CADPS: variants seen among roughly 807,000 people sequenced by gnomAD.
The protein encoded by CADPS is calcium-dependent secretion activator 1.
CADPS carries 57 observed loss-of-function variants against 167.3 expected under a neutral mutation model. The observed-to-expected ratio is 0.34, with a 90% CI of 0.28 to 0.42. The LOEUF (loss-of-function observed/expected upper bound fraction) is 0.42. Among genes scored for constraint, CADPS ranks in the 20% least tolerant of loss-of-function variants. The pLI is 1.00. For missense variants in CADPS, 1,414 were observed against 1,738.1 expected (o/e 0.81, Z 3.32); for synonymous variants, 676 against 635.3 (o/e 1.06, Z -0.96).
chr3:62,750,421 ATCC>A (rs2082451133), intron 3 of CADPS, among the ~76,000 whole-genome samples: 2 of 151,828 alleles, frequency 1.3e-5, no homozygotes, highest in South Asian at 4.2e-4. Flanking sequence ...TTAAATAATC[ATCC>A]AGGTAGTACT....
chr3:62,527,998 C>T (rs908019879), intron 13 of CADPS, among the ~76,000 whole-genome samples: 6 of 152,172 alleles, frequency 3.9e-5, no homozygotes, highest in Admixed American at 2.0e-4. Flanking sequence ...AGACTCTCCC[C>T]TTAGGTGGTA....
chr3:62,653,986 C>T (rs1026018907), intron 4 of CADPS, among the ~76,000 whole-genome samples: 14 of 152,248 alleles, frequency 9.2e-5, no homozygotes, highest in African/African-American at 3.1e-4. Context: ...AATGAGATGA[C>T]AGGCTGATGA....
At chr3:62,791,301 A>G (rs1368793806) in intron 1 of CADPS, among the ~76,000 whole-genome samples, 1 of 152,218 alleles carries the variant, frequency 6.6e-6, no homozygotes, top group Non-Finnish European at 1.5e-5. Flanking sequence ...CAATATGACT[A>G]GTGTGAATGA....
intron 14 of CADPS, 42 bp downstream of exon 14, chr3:62,518,107 C>A: frequency 2.3e-6 from 3 of 1,295,954 alleles, no homozygotes; most frequent in Non-Finnish European, 3.3e-6. Context: ...TCCCTTCCCA[C>A]TCTCATCTCC....
At chr3:62,620,575 T>C (rs1578967917) in intron 6 of CADPS, among the ~76,000 whole-genome samples, 1 of 152,154 alleles carries the variant, frequency 6.6e-6, no homozygotes, top group East Asian at 1.9e-4. Context: ...TTCCATGCTT[T>C]AGAACAAGAC....
At chr3:62,637,557 G>C (rs2066546866) in intron 6 of CADPS, among the ~76,000 whole-genome samples, 1 of 152,190 alleles carries the variant, frequency 6.6e-6, no homozygotes, top group African/African-American at 2.4e-5. Context: ...GTGCTGGTGT[G>C]TGCGCCAGCA....
rs771885497 is a variant in CADPS at position 62,650,918 on chromosome 3, T to C, written c.1132A>G (p.Ile378Val). Residue 378 changes from isoleucine to valine, a missense_variant, in exon 5 of 30, where the codon ATC becomes GTC. By Grantham distance (29) the Ile-to-Val change is conservative (BLOSUM62 3). Coordinates refer to ENST00000383710, the MANE Select transcript of CADPS (RefSeq NM_003716.4). ...QKLKRSHNAS[I>V]IDMGEESENQ... ...TCACTCTCCTCGCCCATGTCGATGATGGAAGCATTGTGGCTGCGTTTGAGT... is the reference window on the plus strand; with the variant it reads ...TCACTCTCCTCGCCCATGTCGATGACGGAAGCATTGTGGCTGCGTTTGAGT... 4 of 1,614,022 alleles carry C rather than the reference T, an allele frequency of 2.5e-6. No individual in the cohort carries two copies. The highest frequency in any genetic ancestry group is 1.7e-5 in the Admixed American group (1 of 60,006).
At chr3:62,556,000 G>A (rs1394578812) in intron 10 of CADPS, among the ~76,000 whole-genome samples, 4 of 152,166 alleles carry the variant, frequency 2.6e-5, no homozygotes, top group East Asian at 1.9e-4. Context: ...CGATCCTCTC[G>A]CCTTGGGATT....
chr3:62,619,175 G>T (rs1012758710), intron 6 of CADPS, among the ~76,000 whole-genome samples: 1 of 152,058 alleles, frequency 6.6e-6, no homozygotes, highest in African/African-American at 2.4e-5. Context: ...TTGCTATTTT[G>T]CCCTTATAGA....
intron 1 of CADPS, among the ~76,000 whole-genome samples, chr3:62,799,975 G>A (rs910121670): frequency 6.6e-6 from 1 of 152,172 alleles, no homozygotes; most frequent in Non-Finnish European, 1.5e-5. Context: ...GGATAATAAG[G>A]ATAATGTTTC....
chr3:62,613,165 C>G (rs986665911), intron 6 of CADPS, among the ~76,000 whole-genome samples: 1 of 152,128 alleles, frequency 6.6e-6, no homozygotes, highest in Non-Finnish European at 1.5e-5. Context: ...TCTTAGTGTA[C>G]TAAAGGGATA....
At chr3:62,588,513 T>C (rs3411) in intron 7 of CADPS, among the ~76,000 whole-genome samples, 26,182 of 152,014 alleles carry the variant, frequency 0.17, 2,817 homozygotes, top group African/African-American at 0.3. Context: ...CATTCTCTTA[T>C]GCCTTTTGTG....
chr3:62,454,708 G>C (rs17066416), intron 26 of CADPS, among the ~76,000 whole-genome samples: 3,735 of 152,220 alleles, frequency 0.025, 160 homozygotes, highest in African/African-American at 0.084. Flanking sequence ...CCACTGCAGA[G>C]CTTCACAGAG....
At chr3:62,497,398 G>A (rs2064999217) in intron 18 of CADPS, among the ~76,000 whole-genome samples, 1 of 152,210 alleles carries the variant, frequency 6.6e-6, no homozygotes, top group Non-Finnish European at 1.5e-5. Flanking sequence ...CAACCACTCA[G>A]ATCAGAGGAG....
chr3:62,458,091 A>T lies in CADPS; in HGVS notation c.3636+7276T>A, dbSNP rs575567702. On this transcript the variant is annotated intron_variant, in intron 26 of 29. Coordinates refer to ENST00000383710, the MANE Select transcript of CADPS (RefSeq NM_003716.4). This position sits in a 1 kb window ranked among gnomAD's most constrained non-coding sequence, Gnocchi z 4.6. ...AACTTGAAGTATAATTTAAAAAAAAATTTTTAAAAAAGCACCAGGGTCATG... is the reference window on the plus strand; with the variant it reads ...AACTTGAAGTATAATTTAAAAAAAATTTTTTAAAAAAGCACCAGGGTCATG... Among the ~76,000 whole-genome samples, 12 of 152,336 alleles carry T rather than the reference A, an allele frequency of 7.9e-5. No homozygotes were observed. Among genetic ancestry groups the T allele is most frequent in the East Asian group, 3.9e-4 (2 of 5,184 alleles).
intron 1 of CADPS, among the ~76,000 whole-genome samples, chr3:62,808,442 G>T (rs555987424): frequency 1.5e-3 from 222 of 152,168 alleles, no homozygotes; most frequent in Admixed American, 2.7e-3. Context: ...CAAAGGGTGC[G>T]GTCAAAAAGT....
In CADPS at chr3:62,679,999, CTG is replaced by C. The variant is rs200279865; in HGVS notation, c.889-17607_889-17606del. ...TCCATAAACTTTCCTTCTAAAAAAA[CTG>C]TTACACAACTTTTAAAAAAGAAAAC... On this transcript the variant is annotated intron_variant, in intron 3 of 29. Transcript: ENST00000383710. 9.2e-3 allele frequency among the ~76,000 whole-genome samples: 1,395 copies of C among 152,082 alleles called. 34 individuals carry two copies. Among genetic ancestry groups the C allele is most frequent in the African/African-American group, 0.032 (1,346 of 41,460 alleles).
chr3:62,432,592 C>T (rs2149646453), intron 28 of CADPS, among the ~76,000 whole-genome samples: 1 of 152,196 alleles, frequency 6.6e-6, no homozygotes, highest in Non-Finnish European at 1.5e-5. Context: ...AAAGCATTTC[C>T]ATTTTGATGA....
At chr3:62,543,585 C>G (rs2076036083) in intron 11 of CADPS, among the ~76,000 whole-genome samples, 1 of 151,862 alleles carries the variant, frequency 6.6e-6, no homozygotes, top group Non-Finnish European at 1.5e-5. Context: ...TGAAAAACGT[C>G]TGTCTGCTAG....
Sources: allele counts gnomAD v4.1 joint callset (sites outside exome capture counted in the v4.1 genomes callset), GRCh38; gene constraint gnomAD v4.1.1; non-coding constraint Gnocchi (gnomAD v3.1); transcripts MANE v1.5; gene names NCBI Gene and HGNC (gene_info 2026-07-23, HGNC 2026-07-21).